Variants in TPRG1 observed in about 807,000 individuals in gnomAD.
TPRG1 encodes tumor protein p63-regulated gene 1 protein.
In TPRG1, 29 loss-of-function variants were observed where a neutral mutation model predicts 29.3. That is an observed-to-expected ratio of 0.99 (90% CI 0.74 to 1.35). The LOEUF (loss-of-function observed/expected upper bound fraction) is 1.35, where lower values mean the gene tolerates loss of function less well. Among genes scored for constraint, TPRG1 ranks in the 40% most tolerant of loss-of-function variants. TPRG1 has a pLI of 0.00. For missense variants in TPRG1, 327 were observed against 335.0 expected (o/e 0.98, Z 0.19); for synonymous variants, 130 against 116.8 (o/e 1.11, Z -0.73).
chr3:189,217,545 C>T (rs1736258581), intron 3 of TPRG1, among the ~76,000 whole-genome samples: 1 of 152,178 alleles, frequency 6.6e-6, no homozygotes, highest in African/African-American at 2.4e-5. Flanking sequence ...TGCCAAAAGC[C>T]TTTACCTCCT....
intron 1 of TPRG1, among the ~76,000 whole-genome samples, chr3:189,100,781 G>C (rs888095594): frequency 6.6e-6 from 1 of 152,076 alleles, no homozygotes; most frequent in Non-Finnish European, 1.5e-5. Context: ...TTCAGACAGC[G>C]GTTGGCCCCA....
chr3:189,318,522 C>T lies in TPRG1; in HGVS notation c.634-2104C>T, dbSNP rs539286491. On this transcript the variant is annotated intron_variant, in intron 5 of 5. Coordinates refer to ENST00000345063, the MANE Select transcript of TPRG1 (RefSeq NM_198485.4). ...ATTGCCAGAGCTGAAGTTTCCTAGGCAAGTGATTTTCATTTAAAAAGAAGT... is the reference window on the plus strand; with the variant it reads ...ATTGCCAGAGCTGAAGTTTCCTAGGTAAGTGATTTTCATTTAAAAAGAAGT... Among the ~76,000 whole-genome samples, 66 of 152,182 alleles carry T rather than the reference C, an allele frequency of 4.3e-4. 1 individual carries two copies. The highest frequency in any genetic ancestry group is 1.6e-3 in the African/African-American group (65 of 41,532).
chr3:189,076,000 A>G (rs6787170), intron 4 of TPRG1, among the ~76,000 whole-genome samples: 9,146 of 152,254 alleles, frequency 0.06, 925 homozygotes, highest in African/African-American at 0.2. Flanking sequence ...TATGAATATA[A>G]CAACATATTT....
chr3:189,014,109 T>G (rs992702846), intron 3 of TPRG1, among the ~76,000 whole-genome samples: 1 of 152,214 alleles, frequency 6.6e-6, no homozygotes, highest in Non-Finnish European at 1.5e-5. Flanking sequence ...CACTAGTCTG[T>G]GTACTTCAGT....
chr3:189,250,046 A>G (rs1374330227), intron 4 of TPRG1, among the ~76,000 whole-genome samples: 1 of 152,082 alleles, frequency 6.6e-6, no homozygotes, highest in Non-Finnish European at 1.5e-5. Flanking sequence ...TACCAAAGAA[A>G]CTCTAATTTT....
chr3:189,281,725 GAGTT>G (rs1717163926), intron 4 of TPRG1, among the ~76,000 whole-genome samples: 1 of 152,092 alleles, frequency 6.6e-6, no homozygotes, highest in African/African-American at 2.4e-5. Context: ...AGCACTAGTT[GAGTT>G]AGTAAATTTG....
chr3:189,022,063 G>A (rs1371071072), intron 3 of TPRG1, among the ~76,000 whole-genome samples: 1 of 151,886 alleles, frequency 6.6e-6, no homozygotes, highest in Non-Finnish European at 1.5e-5. Flanking sequence ...TAGTTCTCGA[G>A]CCTTGGTTTT....
intron 3 of TPRG1, among the ~76,000 whole-genome samples, chr3:189,021,919 C>T (rs192222141): frequency 6.6e-6 from 1 of 152,294 alleles, no homozygotes; most frequent in East Asian, 1.9e-4. Flanking sequence ...CTCTTGGAGG[C>T]TTTGCTCGTT....
intron 5 of TPRG1, among the ~76,000 whole-genome samples, chr3:189,164,010 A>G (rs1727832652): frequency 2.0e-5 from 3 of 152,096 alleles, no homozygotes; most frequent in Admixed American, 1.3e-4. Context: ...AATAAATAAG[A>G]CATATATACC....
intron 5 of TPRG1, among the ~76,000 whole-genome samples, 194 bp downstream of exon 5, chr3:189,310,733 GT>G (rs1234803601): frequency 9.9e-5 from 15 of 152,138 alleles, no homozygotes; most frequent in African/African-American, 3.6e-4. Flanking sequence ...GAGTCAAACT[GT>G]TTTTATATGT....
At chr3:189,281,452 C>T (rs1322841619) in intron 4 of TPRG1, among the ~76,000 whole-genome samples, 3 of 152,078 alleles carry the variant, frequency 2.0e-5, no homozygotes, top group African/African-American at 7.2e-5. Context: ...TAGAGGACAG[C>T]AAAACAGAAA....
At chr3:189,269,217 T>C (rs1019270334) in intron 4 of TPRG1, among the ~76,000 whole-genome samples, 1 of 152,084 alleles carries the variant, frequency 6.6e-6, no homozygotes, top group African/African-American at 2.4e-5. Context: ...GAAAGTTCAA[T>C]GTTTTGGGTA....
intron 5 of TPRG1, among the ~76,000 whole-genome samples, chr3:189,159,167 A>G (rs1484564519): frequency 6.6e-6 from 1 of 152,156 alleles, no homozygotes; most frequent in Non-Finnish European, 1.5e-5. Context: ...TTCAATGCTA[A>G]ATCATAATAA....
chr3:189,222,843 C>T (rs143533814), intron 3 of TPRG1, among the ~76,000 whole-genome samples: 4 of 152,286 alleles, frequency 2.6e-5, no homozygotes, highest in East Asian at 3.9e-4. Flanking sequence ...CCCAAATTTC[C>T]GGTGCTATCC....
intron 2 of TPRG1, chr3:189,212,195 A>G (rs1384814521): frequency 6.6e-6 from 1 of 152,212 alleles, no homozygotes; most frequent in African/African-American, 2.4e-5. Context: ...TGTAAATTAC[A>G]TACAAACTAA....
chr3:189,012,591 T>A (rs1175977517), intron 3 of TPRG1, among the ~76,000 whole-genome samples: 1 of 152,174 alleles, frequency 6.6e-6, no homozygotes, highest in African/African-American at 2.4e-5. Context: ...TCTTTGTACA[T>A]CTGGTATAAT....
chr3:189,276,183 T>C (rs1433642391), intron 4 of TPRG1, among the ~76,000 whole-genome samples: 1 of 151,704 alleles, frequency 6.6e-6, no homozygotes, highest in African/African-American at 2.4e-5. Flanking sequence ...CACGATAGAA[T>C]TGGTAAGAGG....
chr3:189,288,379 G>A (rs1452162528), intron 4 of TPRG1, among the ~76,000 whole-genome samples: 1 of 152,158 alleles, frequency 6.6e-6, no homozygotes, highest in Non-Finnish European at 1.5e-5. Context: ...TACATTGCAG[G>A]AGAAGAGGAA....
At chr3:189,195,965 A>G (rs1732464356) in intron 1 of TPRG1, among the ~76,000 whole-genome samples, 1 of 151,922 alleles carries the variant, frequency 6.6e-6, no homozygotes, top group South Asian at 2.1e-4. Context: ...TATTGTTCTG[A>G]CTGTCTTTGT....
Sources: allele counts gnomAD v4.1 joint callset (sites outside exome capture counted in the v4.1 genomes callset), GRCh38; gene constraint gnomAD v4.1.1; transcripts MANE v1.5; gene names NCBI Gene and HGNC (gene_info 2026-07-23, HGNC 2026-07-21).